The following DGKI variants were observed in gnomAD, a reference collection of about 807,000 sequenced individuals.
The protein encoded by DGKI is diacylglycerol kinase iota.
Under a neutral mutation model 147.5 loss-of-function variants are expected in DGKI, and 55 were observed. The observed-to-expected ratio is 0.37, with a 90% confidence interval of 0.30 to 0.47. The LOEUF (loss-of-function observed/expected upper bound fraction) is 0.47, where lower values mean the gene tolerates loss of function less well. Ranked by LOEUF, DGKI falls within the 20% of genes least tolerant of loss-of-function variation. The pLI is 1.00. For missense variants in DGKI, 1,007 were observed against 1,323.8 expected (o/e 0.76, Z 3.71); for synonymous variants, 469 against 477.1 (o/e 0.98, Z 0.22).
chr7:137,812,303 A>G (rs1563209033), intron 1 of DGKI, among the ~76,000 whole-genome samples: 1 of 152,234 alleles, frequency 6.6e-6, no homozygotes, highest in African/African-American at 2.4e-5. Context: ...ATGATTACAT[A>G]TTTGGCTTAG....
At chr7:137,623,271 A>T (rs1820815359) in intron 7 of DGKI, among the ~76,000 whole-genome samples, 1 of 152,208 alleles carries the variant, frequency 6.6e-6, no homozygotes, top group African/African-American at 2.4e-5. Flanking sequence ...CATAAAATAT[A>T]GAAGTTAATT....
At chr7:137,485,988 T>C (rs6971080) in intron 22 of DGKI, among the ~76,000 whole-genome samples, 17,856 of 152,082 alleles carry the variant, frequency 0.12, 1,229 homozygotes, top group African/African-American at 0.19. Flanking sequence ...TACTGGCAGA[T>C]TGTGAAAGCC....
At chr7:137,645,361 A>G (rs1416990576) in intron 6 of DGKI, 111 bp downstream of exon 6, 32 of 843,928 alleles carry the variant, frequency 3.8e-5, no homozygotes, top group Non-Finnish European at 5.8e-5. Context: ...GGTCTTTCAG[A>G]AAGGAACTGA....
chr7:137,804,569 T>A (rs1488394060), intron 1 of DGKI, among the ~76,000 whole-genome samples: 1 of 152,160 alleles, frequency 6.6e-6, no homozygotes, highest in African/African-American at 2.4e-5. Flanking sequence ...TGAAGAAAAA[T>A]AAAAAGATGT....
chr7:137,401,273 T>A (rs954200137), intron 30 of DGKI, among the ~76,000 whole-genome samples: 1 of 152,016 alleles, frequency 6.6e-6, no homozygotes, highest in Non-Finnish European at 1.5e-5. Flanking sequence ...GGTTCACGTC[T>A]GTAATCCCAG....
At chr7:137,451,227 G>C (rs573754279) in intron 27 of DGKI, among the ~76,000 whole-genome samples, 2 of 152,176 alleles carry the variant, frequency 1.3e-5, no homozygotes, top group African/African-American at 4.8e-5. Context: ...CCTCTGGAAC[G>C]GAGTGTTGTC....
chr7:137,655,327 TA>T lies in DGKI; in HGVS notation c.682-540del, dbSNP rs1488113635. 2.6e-5 allele frequency among the ~76,000 whole-genome samples: 4 copies of T among 151,954 alleles called. No individual in the cohort carries two copies. The East Asian group carries it at 7.7e-4, about 29-fold the overall frequency. On this transcript the variant is annotated intron_variant, in intron 4 of 32. Coordinates refer to ENST00000614521, the MANE Select transcript of DGKI (RefSeq NM_001321708.2). The stretch of plus-strand genomic sequence containing the variant: ...AATTCTCCTGCCTCAGCCTCCCGAG[TA>T]GCTGGGACTACAGGTGCGTGCCACC...
intron 1 of DGKI, among the ~76,000 whole-genome samples, chr7:137,698,583 G>A (rs1164802265): frequency 1.3e-5 from 2 of 152,124 alleles, no homozygotes; most frequent in Non-Finnish European, 1.5e-5. Flanking sequence ...ACAATACCTC[G>A]GAAGGGGCTC....
At chr7:137,832,238 G>A (rs1186608057) in intron 1 of DGKI, among the ~76,000 whole-genome samples, 1 of 152,224 alleles carries the variant, frequency 6.6e-6, no homozygotes, top group South Asian at 2.1e-4. Context: ...GGTGCCCCAG[G>A]AGGGACTCTG....
chr7:137,560,854 A>AT (rs1255616580), intron 19 of DGKI, among the ~76,000 whole-genome samples: 6 of 152,178 alleles, frequency 3.9e-5, no homozygotes, highest in African/African-American at 1.4e-4. Flanking sequence ...CTACAAACCC[A>AT]TTTTAGACTT....
intron 1 of DGKI, among the ~76,000 whole-genome samples, chr7:137,716,592 G>T (rs1362687224): frequency 6.6e-6 from 1 of 152,178 alleles, no homozygotes; most frequent in Non-Finnish European, 1.5e-5. Flanking sequence ...AAACAATAAT[G>T]TAGACTGCTG....
At chr7:137,404,492 C>T (rs866046107) in intron 30 of DGKI, among the ~76,000 whole-genome samples, 5 of 152,134 alleles carry the variant, frequency 3.3e-5, no homozygotes, top group East Asian at 1.9e-4. Context: ...ATCAAAAATG[C>T]GGTGATCCTT....
At chr7:137,745,296 G>A (rs887495823) in intron 1 of DGKI, among the ~76,000 whole-genome samples, 2 of 152,138 alleles carry the variant, frequency 1.3e-5, no homozygotes, top group African/African-American at 2.4e-5. Flanking sequence ...CCTCCTTGGG[G>A]AAGACTACGT....
At chr7:137,658,493 T>C (rs529181931) in intron 3 of DGKI, among the ~76,000 whole-genome samples, 10 of 152,314 alleles carry the variant, frequency 6.6e-5, no homozygotes, top group Non-Finnish European at 1.3e-4. Context: ...GGATAAGCAA[T>C]GCAATATTAC....
At chr7:137,571,051 C>G (rs1350622528) in intron 19 of DGKI, 124 bp downstream of exon 19, 14 of 652,426 alleles carry the variant, frequency 2.1e-5, no homozygotes, top group Non-Finnish European at 3.4e-5. Flanking sequence ...TCCTAAGCAA[C>G]TCTATAATTC....
intron 12 of DGKI, among the ~76,000 whole-genome samples, chr7:137,589,364 G>A (rs1030388844): frequency 6.6e-6 from 1 of 152,138 alleles, no homozygotes; most frequent in Non-Finnish European, 1.5e-5. Flanking sequence ...AGACCACATG[G>A]TTCACCCAAT....
intron 1 of DGKI, chr7:137,771,548 T>C (rs553831520): frequency 2.0e-5 from 3 of 152,192 alleles, no homozygotes; most frequent in Non-Finnish European, 4.4e-5. Context: ...TCTAAGTAAA[T>C]TCTCTCTTAA....
intron 28 of DGKI, among the ~76,000 whole-genome samples, chr7:137,414,515 G>T (rs1174632142): frequency 7.8e-5 from 11 of 141,100 alleles, no homozygotes; most frequent in African/African-American, 3.0e-4. Flanking sequence ...AAGAGAAAGG[G>T]AATTAACAAA....
At chr7:137,739,777 GT>G (rs3839664) in intron 1 of DGKI, among the ~76,000 whole-genome samples, 39,084 of 152,044 alleles carry the variant, frequency 0.26, 5,145 homozygotes, top group South Asian at 0.29. Flanking sequence ...GTTGTTTTTG[GT>G]CCCTGTTTTT....
Sources: gnomAD v4.1 joint callset for allele counts (sites outside exome capture counted in the v4.1 genomes callset) on GRCh38, gnomAD v4.1.1 for gene constraint, MANE v1.5 for transcripts, NCBI Gene and HGNC (gene_info 2026-07-23, HGNC 2026-07-21) for gene names.